The following RIT2 variants were observed in gnomAD, a reference collection of about 807,000 sequenced individuals.
RIT2 encodes the protein Ras like without CAAX 2.
Under a neutral mutation model 23.7 loss-of-function variants are expected in RIT2, and 24 were observed. The observed-to-expected ratio is 1.01, with a 90% CI of 0.73 to 1.43. The LOEUF is 1.43. Among genes scored for constraint, RIT2 ranks in the 40% most tolerant of loss-of-function variants. RIT2 has a pLI of 0.00. For synonymous variants in RIT2, 107 were observed against 91.1 expected (o/e 1.17, Z -0.99); for missense variants, 236 against 266.9 (o/e 0.88, Z 0.81).
intron 2 of RIT2, among the ~76,000 whole-genome samples, chr18:43,003,412 G>A (rs945733161): frequency 2.6e-5 from 4 of 151,906 alleles, no homozygotes; most frequent in South Asian, 2.1e-4. Context: ...ACACAAAGAC[G>A]CTTACCTTAA....
chr18:43,027,537 G>A (rs1911761678), intron 2 of RIT2, among the ~76,000 whole-genome samples: 1 of 151,850 alleles, frequency 6.6e-6, no homozygotes, highest in Non-Finnish European at 1.5e-5. Context: ...TCAGAGTGGT[G>A]GGTAGCTTTA....
intron 2 of RIT2, among the ~76,000 whole-genome samples, chr18:43,007,994 C>T (rs973653165): frequency 6.6e-5 from 10 of 151,550 alleles, no homozygotes; most frequent in Non-Finnish European, 1.3e-4. Flanking sequence ...TGGCTGTTAA[C>T]AACACAAAAA....
At chr18:42,778,477 A>G (rs1913730600) in intron 4 of RIT2, among the ~76,000 whole-genome samples, 1 of 152,188 alleles carries the variant, frequency 6.6e-6, no homozygotes, top group Non-Finnish European at 1.5e-5. Flanking sequence ...TACTCCATAT[A>G]AAATTGAAAA....
At chr18:42,852,811 C>CCCTT (rs1286024050) in intron 4 of RIT2, among the ~76,000 whole-genome samples, 16 of 130,536 alleles carry the variant, frequency 1.2e-4, no homozygotes, top group Admixed American at 2.6e-4. Context: ...CTCCCTCCCT[C>CCCTT]CCTTCCTTCC....
intron 4 of RIT2, among the ~76,000 whole-genome samples, chr18:42,874,126 T>C (rs1907688505): frequency 6.6e-6 from 1 of 152,126 alleles, no homozygotes; most frequent in Non-Finnish European, 1.5e-5. Context: ...AACTAAAACC[T>C]TGGAGAGGCT....
intron 4 of RIT2, among the ~76,000 whole-genome samples, chr18:42,902,494 T>C (rs900408967): frequency 1.3e-5 from 2 of 151,680 alleles, no homozygotes; most frequent in Non-Finnish European, 3.0e-5. Context: ...CATTCTATTA[T>C]TGTGTACTTT....
At chr18:43,050,847 C>T (rs943759100) in intron 1 of RIT2, among the ~76,000 whole-genome samples, 7 of 152,084 alleles carry the variant, frequency 4.6e-5, no homozygotes, top group African/African-American at 1.7e-4. Context: ...CGAGGGAGGG[C>T]ATTGAAGCTC....
At chr18:42,850,622 A>G (rs1166912076) in intron 4 of RIT2, among the ~76,000 whole-genome samples, 1 of 152,242 alleles carries the variant, frequency 6.6e-6, no homozygotes, top group African/African-American at 2.4e-5. Flanking sequence ...CAATGTTTAT[A>G]GAAAATGTTG....
chr18:42,975,738 C>T (rs1266025426), intron 2 of RIT2, among the ~76,000 whole-genome samples: 1 of 152,000 alleles, frequency 6.6e-6, no homozygotes, highest in Non-Finnish European at 1.5e-5. Flanking sequence ...AGTTTCACAA[C>T]TTCCTGCCTA....
intron 2 of RIT2, among the ~76,000 whole-genome samples, chr18:43,009,470 C>A (rs1911301823): frequency 6.6e-6 from 1 of 151,652 alleles, no homozygotes; most frequent in African/African-American, 2.4e-5. Context: ...AAGGCTTCCT[C>A]TTTCAATACA....
At chr18:42,771,341 TTTG>T (rs1913547429) in intron 4 of RIT2, among the ~76,000 whole-genome samples, 1 of 152,192 alleles carries the variant, frequency 6.6e-6, no homozygotes, top group Admixed American at 6.6e-5. Context: ...CTCTTTAATA[TTTG>T]TTTTTATATT....
At position 42,924,851 on chromosome 18, in the gene RIT2, C is replaced by T. The variant is rs1909142088; in HGVS notation, c.235-1088G>A. ...TTTACGCTAGCTTGAAAGATGGGAG[C>T]ATTTATGTAGATCCAGGAACTTTGG... On this transcript the variant is annotated intron_variant, in intron 3 of 4. Transcript: ENST00000326695. Among the ~76,000 whole-genome samples the T allele has an allele frequency of 2.0e-5, 3 of 152,062 alleles. No individual in the cohort carries two copies. In the South Asian group the frequency reaches 6.2e-4, roughly 32 times the overall value.
At chr18:42,933,354 TC>T (rs1269519193) in intron 3 of RIT2, among the ~76,000 whole-genome samples, 1 of 152,178 alleles carries the variant, frequency 6.6e-6, no homozygotes, top group Non-Finnish European at 1.5e-5. Flanking sequence ...AAATTTTTGT[TC>T]CCAAGTCAGT....
intron 4 of RIT2, among the ~76,000 whole-genome samples, chr18:42,821,557 C>T (rs138678172): frequency 1.6e-3 from 236 of 152,048 alleles, no homozygotes; most frequent in Middle Eastern, 3.4e-3. Context: ...GAGGAGGCAC[C>T]GGAGATGCTA....
At chr18:43,042,500 C>A (rs764574495) in intron 1 of RIT2, among the ~76,000 whole-genome samples, 2 of 152,208 alleles carry the variant, frequency 1.3e-5, no homozygotes, top group Admixed American at 6.5e-5. Flanking sequence ...GGAGAACTCT[C>A]CTCCAGATAC....
At chr18:42,954,277 T>C in intron 3 of RIT2, among the ~76,000 whole-genome samples, 1 of 147,978 alleles carries the variant, frequency 6.8e-6, no homozygotes, top group South Asian at 2.1e-4. Flanking sequence ...CTTGGGAGGC[T>C]GAAGCAGGAG....
intron 4 of RIT2, among the ~76,000 whole-genome samples, chr18:42,795,541 G>A (rs570073860): frequency 1.6e-3 from 249 of 152,332 alleles, no homozygotes; most frequent in Admixed American, 4.5e-3. Flanking sequence ...CTGTGCGCCT[G>A]AGCCTCCCGG....
intron 2 of RIT2, among the ~76,000 whole-genome samples, chr18:42,988,054 C>A (rs1910754684): frequency 1.3e-5 from 2 of 152,062 alleles, no homozygotes; most frequent in African/African-American, 4.8e-5. Context: ...AATTATATCA[C>A]CAGAGTGTAT....
chr18:42,908,800 T>C (rs1025808419), intron 4 of RIT2, among the ~76,000 whole-genome samples: 1 of 152,106 alleles, frequency 6.6e-6, no homozygotes, highest in Admixed American at 6.6e-5. Flanking sequence ...AATGTATACA[T>C]AGGTAAGTTG....
Sources: allele counts gnomAD v4.1 joint callset (sites outside exome capture counted in the v4.1 genomes callset), GRCh38; gene constraint gnomAD v4.1.1; transcripts MANE v1.5; gene names NCBI Gene and HGNC (gene_info 2026-07-23, HGNC 2026-07-21).